Variants in CTIF observed in about 807,000 individuals in gnomAD.
The protein encoded by CTIF is CBP80/20-dependent translation initiation factor.
In CTIF, 21 loss-of-function variants were observed where a neutral mutation model predicts 66.0. The observed-to-expected ratio is 0.32, with a 90% CI of 0.23 to 0.46. The LOEUF (loss-of-function observed/expected upper bound fraction) is 0.46. Among genes scored for constraint, CTIF ranks in the 20% least tolerant of loss-of-function variants. CTIF has a pLI of 1.00. For missense variants in CTIF, 739 were observed against 812.7 expected (o/e 0.91, Z 1.10); for synonymous variants, 345 against 326.4 (o/e 1.06, Z -0.62).
At chr18:48,622,710 G>A (rs2090519053) in intron 2 of CTIF, among the ~76,000 whole-genome samples, 1 of 152,172 alleles carries the variant, frequency 6.6e-6, no homozygotes, top group Non-Finnish European at 1.5e-5. Context: ...AATTGTAAGG[G>A]AAATTAACCT....
At chr18:48,792,577 G>A (rs188893696) in intron 9 of CTIF, among the ~76,000 whole-genome samples, 57 of 152,318 alleles carry the variant, frequency 3.7e-4, no homozygotes, top group African/African-American at 1.3e-3. Context: ...GTAAATGTGG[G>A]AGAGTAAATA....
intron 7 of CTIF, among the ~76,000 whole-genome samples, chr18:48,744,352 A>C (rs970527717): frequency 6.6e-6 from 1 of 152,228 alleles, no homozygotes. Context: ...ATTGCCACCA[A>C]GCCTTTGTTG....
chr18:48,668,544 T>G (rs2091473021), intron 5 of CTIF, among the ~76,000 whole-genome samples: 2 of 152,110 alleles, frequency 1.3e-5, no homozygotes, highest in Non-Finnish European at 2.9e-5. Context: ...ACTTTTTCTT[T>G]TCCTTCATGC....
chr18:48,714,573 C>G (rs1019226332), intron 7 of CTIF, among the ~76,000 whole-genome samples: 1 of 152,206 alleles, frequency 6.6e-6, no homozygotes, highest in Non-Finnish European at 1.5e-5. Context: ...CAGCCTGGAG[C>G]AGGGATTTTC....
intron 3 of CTIF, among the ~76,000 whole-genome samples, chr18:48,648,748 G>T (rs1047949790): frequency 2.6e-5 from 4 of 152,246 alleles, no homozygotes; most frequent in Non-Finnish European, 5.9e-5. Context: ...CCCTCATAGT[G>T]TCTCTCATAT....
chr18:48,771,898 A>T (rs1384297600), intron 9 of CTIF, among the ~76,000 whole-genome samples: 1 of 152,208 alleles, frequency 6.6e-6, no homozygotes. Flanking sequence ...GCCGGCCCAG[A>T]CAGGGCGCCT....
At chr18:48,730,699 TGTGAGGGGCTTCCGC>T (rs1256978304) in intron 7 of CTIF, among the ~76,000 whole-genome samples, 1 of 33,362 alleles carries the variant, frequency 3.0e-5, no homozygotes, top group Non-Finnish European at 5.0e-5. Context: ...GCCCCTGAGG[TGTGAGGGGCTTCCGC>T]GGTGTGAGGG....
chr18:48,619,585 C>A lies in CTIF; in HGVS notation c.20C>A (p.Ala7Glu). ...GGAGGGATGGAAAACTCCTCTGCAG[C>A]ATCAGCCTCCTCGGAGGCAGGGAGC... is the stretch of plus-strand genomic sequence containing the variant. MENSSA[A>E]SASSEAGSSR... Residue 7 changes from alanine (A) to glutamate (E), a missense_variant, in exon 2 of 12, where the codon GCA becomes GAA. By Grantham distance (107) the Ala-to-Glu change is moderately radical. This residue lies in a region of CTIF where 529 missense variants were observed against 520.3 expected (regional missense o/e 1.02). Coordinates refer to ENST00000256413, the MANE Select transcript of CTIF (RefSeq NM_014772.3). The A allele has an allele frequency of 6.3e-7, 1 of 1,584,726 alleles. No homozygotes were observed. Among genetic ancestry groups the A allele is most frequent in the Non-Finnish European group, 8.6e-7 (1 of 1,165,956 alleles).
intron 1 of CTIF, among the ~76,000 whole-genome samples, chr18:48,603,924 C>T (rs977150421): frequency 1.3e-5 from 2 of 150,912 alleles, no homozygotes; most frequent in African/African-American, 4.9e-5. Flanking sequence ...TCTTGGCTCA[C>T]TGCAACCTCC....
At chr18:48,673,073 G>C (rs2091562515) in intron 6 of CTIF, among the ~76,000 whole-genome samples, 1 of 152,080 alleles carries the variant, frequency 6.6e-6, no homozygotes, top group Non-Finnish European at 1.5e-5. Context: ...ATGGAGTCCA[G>C]CATCCACCTG....
At chr18:48,706,722 A>G (rs934293558) in intron 6 of CTIF, among the ~76,000 whole-genome samples, 28 of 152,160 alleles carry the variant, frequency 1.8e-4, no homozygotes, top group South Asian at 1.0e-3. Flanking sequence ...GAGCAATAAC[A>G]TGCCGCCCCT....
chr18:48,765,191 A>G (rs1026925700), intron 9 of CTIF, among the ~76,000 whole-genome samples: 4 of 152,120 alleles, frequency 2.6e-5, no homozygotes, highest in Non-Finnish European at 5.9e-5. Flanking sequence ...ATTTTCTGGC[A>G]AACTATGTTT....
chr18:48,660,343 GT>G (rs1467649776), intron 3 of CTIF, among the ~76,000 whole-genome samples: 2 of 152,168 alleles, frequency 1.3e-5, no homozygotes, highest in African/African-American at 4.8e-5. Context: ...CTGGGCCATG[GT>G]CCCTCTCCCC....
intron 7 of CTIF, among the ~76,000 whole-genome samples, chr18:48,719,102 C>G (rs2092309204): frequency 6.6e-6 from 1 of 152,186 alleles, no homozygotes; most frequent in Non-Finnish European, 1.5e-5. Context: ...ACTTCTCACT[C>G]TCAATACGAA....
chr18:48,842,467 C>T (rs2068967882), intron 10 of CTIF, among the ~76,000 whole-genome samples: 1 of 152,152 alleles, frequency 6.6e-6, no homozygotes. Context: ...AGAGGTCAGC[C>T]GAGCGCCCAT....
At chr18:48,806,272 C>T (rs542519547) in intron 9 of CTIF, among the ~76,000 whole-genome samples, 7 of 152,262 alleles carry the variant, frequency 4.6e-5, no homozygotes, top group East Asian at 1.9e-4. Context: ...ACCAATTGCC[C>T]GGGAGAAGAA....
intron 7 of CTIF, among the ~76,000 whole-genome samples, chr18:48,730,487 A>T (rs1349244743): frequency 8.2e-5 from 10 of 122,174 alleles, no homozygotes; most frequent in Non-Finnish European, 1.2e-4. Flanking sequence ...CCGCGGTGTG[A>T]GGGGCTTCTG....
chr18:48,783,334 C>T (rs745911481), intron 9 of CTIF, among the ~76,000 whole-genome samples: 1 of 152,156 alleles, frequency 6.6e-6, no homozygotes, highest in African/African-American at 2.4e-5. Context: ...GGCTACTACT[C>T]TGAGATTGCA....
chr18:48,640,653 T>C (rs2090911032), intron 3 of CTIF, among the ~76,000 whole-genome samples: 2 of 152,212 alleles, frequency 1.3e-5, no homozygotes, highest in African/African-American at 4.8e-5. Flanking sequence ...TCCAGGAAGG[T>C]AGAGTTGGCA....
Sources: allele counts gnomAD v4.1 joint callset (sites outside exome capture counted in the v4.1 genomes callset), GRCh38; gene constraint gnomAD v4.1.1; regional missense constraint gnomAD v4.1.1; transcripts MANE v1.5; gene names NCBI Gene and HGNC (gene_info 2026-07-23, HGNC 2026-07-21).